ABCA13: variants seen among roughly 807,000 people sequenced by gnomAD.
The protein encoded by ABCA13 is ATP-binding cassette sub-family A member 13.
In ABCA13, 476 loss-of-function variants were observed where a neutral mutation model predicts 478.7. The ratio of observed to expected loss-of-function variants is 0.99; its 90% CI spans 0.92 to 1.07. The LOEUF is 1.07. Ranked by LOEUF, ABCA13 falls within the 50% of genes least tolerant of loss-of-function variation. ABCA13 has a pLI of 0.00. For missense variants in ABCA13, 6,060 were observed against 5,910.6 expected (o/e 1.03, Z -0.83); for synonymous variants, 2,252 against 2,158.9 (o/e 1.04, Z -1.20).
chr7:48,241,717 AG>A (rs1052125068), intron 10 of ABCA13, among the ~76,000 whole-genome samples: 1 of 152,244 alleles, frequency 6.6e-6, no homozygotes, highest in African/African-American at 2.4e-5. Context: ...ATTTCAAACC[AG>A]GTCACACAAA....
At chr7:48,268,153 ATTATTTAT>A (rs1030835384) in intron 15 of ABCA13, among the ~76,000 whole-genome samples, 1 of 151,832 alleles carries the variant, frequency 6.6e-6, no homozygotes, top group African/African-American at 2.4e-5. Context: ...CTTTAAAAAA[ATTATTTAT>A]TTATTTATTT....
At chr7:48,356,463 G>A (rs75230789) in intron 31 of ABCA13, among the ~76,000 whole-genome samples, 4 of 151,354 alleles carry the variant, frequency 2.6e-5, no homozygotes, top group East Asian at 1.9e-4. Context: ...GTGTATAAAC[G>A]GGGGGGACAG....
intron 47 of ABCA13, among the ~76,000 whole-genome samples, chr7:48,487,243 G>A (rs13240229): frequency 0.064 from 9,709 of 151,112 alleles, 433 homozygotes; most frequent in African/African-American, 0.12. Flanking sequence ...TCGGGAGGCA[G>A]ATGTTGCAGT....
chr7:48,432,316 G>T (rs1345678890), intron 42 of ABCA13, among the ~76,000 whole-genome samples: 4 of 152,038 alleles, frequency 2.6e-5, no homozygotes, highest in Non-Finnish European at 5.9e-5. Flanking sequence ...AAAGACAAAA[G>T]ATAACACATG....
chr7:48,514,487 GT>G (rs1233969219), intron 51 of ABCA13, among the ~76,000 whole-genome samples: 1 of 152,190 alleles, frequency 6.6e-6, no homozygotes, highest in African/African-American at 2.4e-5. Flanking sequence ...GTAGCTATAA[GT>G]TGGAGAGAGT....
chr7:48,280,452 T>G (rs1796887738), intron 18 of ABCA13, among the ~76,000 whole-genome samples: 1 of 152,194 alleles, frequency 6.6e-6, no homozygotes, highest in African/African-American at 2.4e-5. Flanking sequence ...TAGAAACCTG[T>G]TCTTAAAAGC....
intron 38 of ABCA13, among the ~76,000 whole-genome samples, chr7:48,398,054 G>C (rs1817089736): frequency 6.6e-6 from 1 of 152,118 alleles, no homozygotes; most frequent in Non-Finnish European, 1.5e-5. Context: ...GGATATACAT[G>C]GAAAATATTT....
At chr7:48,479,903 G>C (rs529220515) in intron 45 of ABCA13, among the ~76,000 whole-genome samples, 3 of 152,254 alleles carry the variant, frequency 2.0e-5, no homozygotes, top group African/African-American at 4.8e-5. Flanking sequence ...AGGTAAGCCT[G>C]TTTTCATTTT....
chr7:48,389,165 A>G lies in ABCA13; in HGVS notation c.11599A>G (p.Arg3867Gly), dbSNP rs756348660. Residue 3867 changes from arginine (R) to glycine (G), a missense_variant, in exon 37 of 62, where the codon AGA (arginine) becomes GGA (glycine). Transcript: ENST00000435803. The stretch of plus-strand genomic sequence containing the variant: ...CCAAGACCTCAGCCTGACCTTCTAC[A>G]GAGACCAAATCACCGCCCTGCTGGG... ...VVQDLSLTFY[R>G]DQITALLGTN... 1 of 1,613,978 alleles carries G rather than the reference A, an allele frequency of 6.2e-7. No homozygotes were observed. The highest frequency in any genetic ancestry group is 8.5e-7 in the Non-Finnish European group (1 of 1,179,866).
intron 42 of ABCA13, among the ~76,000 whole-genome samples, chr7:48,433,536 A>C (rs1462734314): frequency 6.6e-6 from 1 of 150,790 alleles, no homozygotes; most frequent in African/African-American, 2.4e-5. Context: ...ACATAATATA[A>C]ATTTTACCAT....
At chr7:48,541,340 CT>C (rs1359158273) in intron 55 of ABCA13, among the ~76,000 whole-genome samples, 1 of 152,088 alleles carries the variant, frequency 6.6e-6, no homozygotes, top group Non-Finnish European at 1.5e-5. Context: ...CAAACATTTA[CT>C]TGGACTATTA....
At chr7:48,474,257 G>A (rs1348080630) in intron 45 of ABCA13, among the ~76,000 whole-genome samples, 1 of 151,982 alleles carries the variant, frequency 6.6e-6, no homozygotes, top group Non-Finnish European at 1.5e-5. Flanking sequence ...CCCCCAAAGA[G>A]GTGCAGAAAT....
chr7:48,431,881 T>G (rs1157113215), intron 42 of ABCA13, among the ~76,000 whole-genome samples: 1 of 152,220 alleles, frequency 6.6e-6, no homozygotes, highest in Non-Finnish European at 1.5e-5. Context: ...AAAAGCCAGG[T>G]GTTTTTGAAA....
chr7:48,277,241 AG>A (rs1453359249), intron 17 of ABCA13, among the ~76,000 whole-genome samples: 1 of 152,130 alleles, frequency 6.6e-6, no homozygotes, highest in Non-Finnish European at 1.5e-5. Context: ...CACAGTAGGC[AG>A]GGGCGCCCAC....
Position 48,278,094 on chromosome 7 carries a change from T to A in ABCA13, c.6900T>A (p.Ser2300Arg). ...AGTATATATATATATATATTTACAG[T>A]TTTGTCCCAAAAGATAAAATTCTAG... ...YFHKDVIAEM[S>R]FVPKDKILEI... Residue 2300 changes from serine (S) to arginine (R), a missense_variant and splice_region_variant, in exon 18 of 62, where the codon AGT becomes AGA. Ser to Arg is a moderately radical substitution (Grantham distance 110). Coordinates refer to ENST00000435803, the MANE Select transcript of ABCA13 (RefSeq NM_152701.5). 1 of 1,218,608 alleles carries A rather than the reference T, an allele frequency of 8.2e-7. No homozygotes were observed. Among genetic ancestry groups the A allele is most frequent in the Non-Finnish European group, 1.1e-6 (1 of 918,328 alleles). The allele number at this position is 1,218,608 out of a possible 1,614,324, so 75.5% of individuals were successfully genotyped here. A position where few individuals can be genotyped will look rare whatever the true frequency, so the allele number is the denominator to read the frequency against.
At chr7:48,381,868 G>C (rs928509917) in intron 35 of ABCA13, among the ~76,000 whole-genome samples, 8 of 152,274 alleles carry the variant, frequency 5.3e-5, no homozygotes, top group African/African-American at 1.9e-4. Flanking sequence ...TGTGCTTCTA[G>C]AGTGTGCACG....
chr7:48,433,029 A>G (rs756713953), intron 42 of ABCA13, among the ~76,000 whole-genome samples: 10 of 152,218 alleles, frequency 6.6e-5, no homozygotes, highest in Non-Finnish European at 1.3e-4. Context: ...GCCGCTTCAC[A>G]AGGTATACAT....
chr7:48,475,862 C>T (rs779643359), intron 45 of ABCA13, among the ~76,000 whole-genome samples: 26 of 152,044 alleles, frequency 1.7e-4, no homozygotes, highest in Admixed American at 5.2e-4. Flanking sequence ...GATTTGGAAG[C>T]GACACCGTTA....
intron 8 of ABCA13, 141 bp from the exon 9 acceptor site, chr7:48,239,100 T>A (rs118013650): frequency 0.016 from 13,150 of 823,962 alleles, 178 homozygotes; most frequent in Non-Finnish European, 0.017. Flanking sequence ...TCAAGGTAAA[T>A]CACATAGATA....
Sources: gnomAD v4.1 joint callset for allele counts (sites outside exome capture counted in the v4.1 genomes callset) on GRCh38, gnomAD v4.1.1 for gene constraint, MANE v1.5 for transcripts, NCBI Gene and HGNC (gene_info 2026-07-23, HGNC 2026-07-21) for gene names.